The following VDAC1 variants were observed in gnomAD, a reference collection of about 807,000 sequenced individuals.
VDAC1 encodes voltage dependent anion channel 1.
A neutral mutation model predicts 34.7 loss-of-function variants in VDAC1; 10 were observed. The observed-to-expected ratio is 0.29, with a 90% confidence interval of 0.18 to 0.49. The LOEUF is 0.49. VDAC1 is among the 20% of genes least tolerant of loss of function. The probability of loss-of-function intolerance (pLI) is 0.99; values close to 1 mark genes in which losing one functional copy is unlikely to be tolerated. For missense variants in VDAC1, 230 were observed against 347.9 expected, an observed-to-expected ratio of 0.66 and a Z score of 2.69; for synonymous variants, 130 against 136.0, an observed-to-expected ratio of 0.96 and a Z score of 0.30.
At chr5:134,053,808 A>T in the VDAC1 span, among the ~76,000 whole-genome samples, 1 of 152,158 alleles carries the variant, frequency 6.6e-6, no homozygotes, top group Non-Finnish European at 1.5e-5. Flanking sequence ...ACAAGTCAAC[A>T]AGTCAGAAAC....
chr5:133,998,165 C>T (rs1753405756), intron 1 of VDAC1, among the ~76,000 whole-genome samples: 1 of 151,570 alleles, frequency 6.6e-6, no homozygotes, highest in Non-Finnish European at 1.5e-5. Flanking sequence ...TGGAGGAAAA[C>T]CTTTTTACAC....
intron 7 of VDAC1, 31 bp downstream of exon 7, chr5:133,975,840 C>CT: frequency 6.2e-7 from 1 of 1,610,228 alleles, no homozygotes; most frequent in African/African-American, 1.3e-5. Context: ...ATGGGCCTGC[C>CT]TGTGAGATGC....
At chr5:134,065,015 C>A in the VDAC1 span, among the ~76,000 whole-genome samples, 1 of 152,060 alleles carries the variant, frequency 6.6e-6, no homozygotes, top group Non-Finnish European at 1.5e-5. Context: ...CCACCATGCC[C>A]GGCCTTAGTT....
chr5:134,020,448 T>C, the VDAC1 span, among the ~76,000 whole-genome samples: 2 of 151,842 alleles, frequency 1.3e-5, no homozygotes, highest in East Asian at 3.9e-4. Flanking sequence ...ACCCCTTGTA[T>C]CGCTAAACCC....
chr5:134,104,451 C>T, the VDAC1 span, among the ~76,000 whole-genome samples: 1 of 152,202 alleles, frequency 6.6e-6, no homozygotes, highest in Non-Finnish European at 1.5e-5. Flanking sequence ...ACCAAAGCTC[C>T]GCTTAGAACA....
chr5:134,090,431 C>G, the VDAC1 span, among the ~76,000 whole-genome samples: 6 of 152,212 alleles, frequency 3.9e-5, no homozygotes, highest in Admixed American at 2.0e-4. Context: ...TGGAGCTAAG[C>G]CAAGCCTCTG....
At chr5:134,096,168 A>C in the VDAC1 span, among the ~76,000 whole-genome samples, 1 of 151,356 alleles carries the variant, frequency 6.6e-6, no homozygotes, top group African/African-American at 2.4e-5. Flanking sequence ...GCAGCCCCTG[A>C]CTCCCCCGCC....
chr5:134,056,981 G>A, the VDAC1 span, among the ~76,000 whole-genome samples: 9 of 151,430 alleles, frequency 5.9e-5, no homozygotes, highest in South Asian at 2.1e-4. Flanking sequence ...GAGCCACCAC[G>A]CCCGGCCCAA....
At chr5:134,028,664 C>T in the VDAC1 span, among the ~76,000 whole-genome samples, 1,574 of 152,258 alleles carry the variant, frequency 0.01, 23 homozygotes, top group African/African-American at 0.035. Flanking sequence ...CCCGTGAATG[C>T]CTCCTGAGGT....
chr5:134,097,308 T>C, the VDAC1 span, among the ~76,000 whole-genome samples: 3 of 152,204 alleles, frequency 2.0e-5, no homozygotes, highest in African/African-American at 7.2e-5. Flanking sequence ...TCTGTCTAAT[T>C]ACATGTTAAG....
At chr5:134,074,168 TG>T in the VDAC1 span, among the ~76,000 whole-genome samples, 2 of 151,836 alleles carry the variant, frequency 1.3e-5, no homozygotes, top group East Asian at 3.9e-4. Flanking sequence ...AAAAATTACT[TG>T]GGCGTGGTGG....
chr5:134,083,767 T>C, the VDAC1 span, among the ~76,000 whole-genome samples: 5 of 152,180 alleles, frequency 3.3e-5, no homozygotes, highest in Admixed American at 3.3e-4. Flanking sequence ...CCTGTAGGAC[T>C]CAGAGTCCAG....
At chr5:134,074,826 G>A in the VDAC1 span, among the ~76,000 whole-genome samples, 1 of 152,096 alleles carries the variant, frequency 6.6e-6, no homozygotes, top group African/African-American at 2.4e-5. Context: ...GGGAGATTTG[G>A]TATTGATGGT....
At chr5:133,973,073 G>T (rs968573557) in intron 8 of VDAC1, among the ~76,000 whole-genome samples, 1 of 152,182 alleles carries the variant, frequency 6.6e-6, no homozygotes, top group African/African-American at 2.4e-5. Flanking sequence ...ACCGCCCAGA[G>T]AGCCTACCCA....
the VDAC1 span, among the ~76,000 whole-genome samples, chr5:134,114,436 G>A: frequency 2.7e-4 from 41 of 152,266 alleles, no homozygotes; most frequent in Admixed American, 2.0e-4. Context: ...GAAAGCAGGG[G>A]GAATATCTGG....
the VDAC1 span, among the ~76,000 whole-genome samples, chr5:134,058,409 G>A: frequency 6.6e-6 from 1 of 151,750 alleles, no homozygotes; most frequent in South Asian, 2.1e-4. Flanking sequence ...CGCCTCCTGA[G>A]TTCACGCCAT....
At chr5:134,096,081 C>CATCTGGCACCGAGTCAGACT in the VDAC1 span, among the ~76,000 whole-genome samples, 7 of 152,360 alleles carry the variant, frequency 4.6e-5, no homozygotes, top group East Asian at 1.3e-3. Context: ...CAGACTCTAT[C>CATCTGGCACCGAGTCAGACT]CCGCGTGCCA....
the VDAC1 span, among the ~76,000 whole-genome samples, chr5:134,049,225 A>T: frequency 6.6e-6 from 1 of 152,212 alleles, no homozygotes; most frequent in South Asian, 2.1e-4. Context: ...AACAGCATTT[A>T]AAATGATTTC....
chr5:133,995,203 A>T (rs1753251535), intron 1 of VDAC1, among the ~76,000 whole-genome samples: 1 of 152,222 alleles, frequency 6.6e-6, no homozygotes, highest in Non-Finnish European at 1.5e-5. Flanking sequence ...AGAAGAGCAG[A>T]CCGGACCCCT....
Sources: allele counts gnomAD v4.1 joint callset (sites outside exome capture counted in the v4.1 genomes callset), GRCh38; gene constraint gnomAD v4.1.1; transcripts MANE v1.5; gene names NCBI Gene and HGNC (gene_info 2026-07-23, HGNC 2026-07-21).